The following CTNNA3 variants were observed in gnomAD, a reference collection of about 807,000 sequenced individuals.
CTNNA3 encodes the protein catenin alpha-3.
In CTNNA3, 76 loss-of-function variants were observed where a neutral mutation model predicts 95.7. The ratio of observed to expected loss-of-function variants is 0.79; its 90% CI spans 0.66 to 0.96. CTNNA3 has a LOEUF of 0.96. CTNNA3 is among the 40% of genes least tolerant of loss of function. The pLI, the probability that CTNNA3 is intolerant of heterozygous loss-of-function variation, is 0.00. For missense variants in CTNNA3, 1,191 were observed against 1,089.8 expected (o/e 1.09, Z -1.31); for synonymous variants, 431 against 374.4 (o/e 1.15, Z -1.74).
intron 10 of CTNNA3, among the ~76,000 whole-genome samples, chr10:66,575,684 T>G (rs1296340424): frequency 6.6e-6 from 1 of 152,166 alleles, no homozygotes; most frequent in Non-Finnish European, 1.5e-5. Flanking sequence ...TCTTCCCATT[T>G]ATTCCATTCT....
intron 7 of CTNNA3, among the ~76,000 whole-genome samples, chr10:66,958,568 ATAAG>A (rs928919478): frequency 5.9e-5 from 9 of 152,178 alleles, no homozygotes; most frequent in Non-Finnish European, 1.0e-4. Context: ...AAAGAATTCA[ATAAG>A]TAAGTAAGCG....
At chr10:66,445,582 A>G (rs1378438295) in intron 11 of CTNNA3, among the ~76,000 whole-genome samples, 4 of 152,204 alleles carry the variant, frequency 2.6e-5, no homozygotes, top group African/African-American at 9.6e-5. Flanking sequence ...TACTGGGTAC[A>G]TAACAAAATG....
At chr10:67,162,499 C>T (rs1002354837) in intron 7 of CTNNA3, among the ~76,000 whole-genome samples, 7 of 151,532 alleles carry the variant, frequency 4.6e-5, no homozygotes, top group African/African-American at 1.7e-4. Flanking sequence ...GGAAAATCTG[C>T]AAAAGAGAAA....
intron 1 of CTNNA3, among the ~76,000 whole-genome samples, chr10:67,735,577 T>C (rs759838720): frequency 5.9e-5 from 9 of 151,918 alleles, no homozygotes; most frequent in Non-Finnish European, 1.2e-4. Flanking sequence ...ATTAGGCAAA[T>C]GCAAATCAAA....
chr10:67,758,325 C>T (rs727371), intron 1 of CTNNA3, among the ~76,000 whole-genome samples: 16,967 of 69,796 alleles, frequency 0.24, 1,554 homozygotes, highest in African/African-American at 0.51. Flanking sequence ...AATATATATA[C>T]ACACACACAC....
chr10:66,727,806 A>G (rs527771171), intron 9 of CTNNA3, among the ~76,000 whole-genome samples: 148 of 152,302 alleles, frequency 9.7e-4, no homozygotes, highest in African/African-American at 3.1e-3. Flanking sequence ...CTAGGAACAA[A>G]TGCACATCAA....
chr10:66,368,053 A>C (rs1299327496), intron 12 of CTNNA3, among the ~76,000 whole-genome samples: 1 of 151,202 alleles, frequency 6.6e-6, no homozygotes, highest in Non-Finnish European at 1.5e-5. Context: ...TCAGCATTCC[A>C]TGTCGTCCTA....
At chr10:66,726,856 C>T (rs568843854) in intron 9 of CTNNA3, among the ~76,000 whole-genome samples, 6 of 152,046 alleles carry the variant, frequency 3.9e-5, no homozygotes, top group Non-Finnish European at 7.4e-5. Context: ...AAAGCATGGA[C>T]ATAAGATCTG....
chr10:66,352,933 G>A (rs72802872), intron 12 of CTNNA3, among the ~76,000 whole-genome samples: 24 of 152,102 alleles, frequency 1.6e-4, no homozygotes, highest in Non-Finnish European at 2.5e-4. Context: ...TCAACGAGGG[G>A]CACTAAAGGG....
intron 7 of CTNNA3, among the ~76,000 whole-genome samples, chr10:66,997,116 A>T (rs1362384974): frequency 6.6e-6 from 1 of 152,204 alleles, no homozygotes; most frequent in Non-Finnish European, 1.5e-5. Flanking sequence ...GCAGAAGATG[A>T]TCTGCACATC....
At chr10:66,351,410 C>A (rs1254094421) in intron 12 of CTNNA3, among the ~76,000 whole-genome samples, 1 of 151,952 alleles carries the variant, frequency 6.6e-6, no homozygotes, top group East Asian at 1.9e-4. Flanking sequence ...GATTTGAATG[C>A]AGACAATCTG....
intron 5 of CTNNA3, among the ~76,000 whole-genome samples, chr10:67,242,133 TACAACTAAGTTAGAA>T (rs1763326126): frequency 6.6e-6 from 1 of 152,194 alleles, no homozygotes; most frequent in African/African-American, 2.4e-5. Flanking sequence ...TTGTAACTAA[TACAACTAAGTTAGAA>T]ACATTTTCCT....
intron 3 of CTNNA3, among the ~76,000 whole-genome samples, chr10:67,571,858 T>C (rs1841991034): frequency 6.6e-6 from 1 of 152,210 alleles, no homozygotes; most frequent in Admixed American, 6.6e-5. Flanking sequence ...TTTTATCTAA[T>C]TGTAACTTAA....
chr10:66,697,257 T>C (rs1041639248), intron 9 of CTNNA3, among the ~76,000 whole-genome samples: 5 of 149,270 alleles, frequency 3.3e-5, no homozygotes, highest in African/African-American at 1.2e-4. Context: ...GATATATCTA[T>C]ATATATATAG....
chr10:66,195,065 T>C (rs1182122407), intron 13 of CTNNA3, among the ~76,000 whole-genome samples: 1 of 152,160 alleles, frequency 6.6e-6, no homozygotes, highest in Non-Finnish European at 1.5e-5. Flanking sequence ...CTTGGGCATA[T>C]ACATGTTTAG....
intron 13 of CTNNA3, among the ~76,000 whole-genome samples, chr10:66,190,861 G>A (rs1040913279): frequency 6.6e-6 from 1 of 151,982 alleles, no homozygotes; most frequent in Admixed American, 6.6e-5. Flanking sequence ...CTTTCTGAAG[G>A]ACCAGGACCC....
At chr10:67,028,489 T>A (rs995075905) in intron 7 of CTNNA3, among the ~76,000 whole-genome samples, 2 of 151,958 alleles carry the variant, frequency 1.3e-5, no homozygotes, top group African/African-American at 2.4e-5. Context: ...GTGGATGGCA[T>A]CTGGCAAACT....
At chr10:66,555,080 A>C (rs1420011326) in intron 10 of CTNNA3, among the ~76,000 whole-genome samples, 1 of 152,160 alleles carries the variant, frequency 6.6e-6, no homozygotes, top group African/African-American at 2.4e-5. Context: ...TCTTAGTCCA[A>C]GTTCAGGGTG....
At chr10:66,934,906 A>G (rs1373740432) in intron 7 of CTNNA3, among the ~76,000 whole-genome samples, 1 of 152,094 alleles carries the variant, frequency 6.6e-6, no homozygotes, top group African/African-American at 2.4e-5. Flanking sequence ...TTAAATGTAA[A>G]TCCTTAGTCA....
Sources: gnomAD v4.1 joint callset for allele counts (sites outside exome capture counted in the v4.1 genomes callset) on GRCh38, gnomAD v4.1.1 for gene constraint, MANE v1.5 for transcripts, NCBI Gene and HGNC (gene_info 2026-07-23, HGNC 2026-07-21) for gene names.